CSMD1: variants seen among roughly 807,000 people sequenced by gnomAD.
CSMD1 encodes CUB and Sushi multiple domains 1, also known as CUB and sushi domain-containing protein 1.
A neutral mutation model predicts 417.5 loss-of-function variants in CSMD1; 213 were observed. That is an observed-to-expected ratio of 0.51 (90% CI 0.46 to 0.57). The LOEUF (loss-of-function observed/expected upper bound fraction) is 0.57. Among genes scored for constraint, CSMD1 ranks in the 20% least tolerant of loss-of-function variants. The pLI is 0.00. For synonymous variants in CSMD1, 2,862 were observed against 1,736.8 expected (o/e 1.65, Z -16.11); for missense variants, 6,923 against 4,529.7 (o/e 1.53, Z -15.17).
chr8:4,286,577 C>A (rs1375333285), intron 3 of CSMD1, among the ~76,000 whole-genome samples: 2 of 152,072 alleles, frequency 1.3e-5, no homozygotes, highest in South Asian at 2.1e-4. Flanking sequence ...ACACCCAAAA[C>A]CAGCACCTGA....
intron 10 of CSMD1, among the ~76,000 whole-genome samples, chr8:3,574,124 T>G (rs549433800): frequency 1.3e-5 from 2 of 152,304 alleles, no homozygotes; most frequent in South Asian, 4.1e-4. Context: ...AAATATATAT[T>G]TTACACAAAG....
chr8:4,008,592 CTTTTTTTCTTT>C (rs1816309669), intron 4 of CSMD1, among the ~76,000 whole-genome samples: 3 of 86,590 alleles, frequency 3.5e-5, no homozygotes, highest in Non-Finnish European at 7.4e-5. Context: ...TATTTTCTTT[CTTTTTTTCTTT>C]TTTTTTTTTT....
chr8:3,030,072 A>T (rs1368377006), intron 50 of CSMD1, among the ~76,000 whole-genome samples: 1 of 152,090 alleles, frequency 6.6e-6, no homozygotes, highest in African/African-American at 2.4e-5. Flanking sequence ...AACAAGTCTT[A>T]AAGGAGACCA....
At chr8:3,558,926 C>A (rs529329002) in intron 10 of CSMD1, among the ~76,000 whole-genome samples, 1 of 152,120 alleles carries the variant, frequency 6.6e-6, no homozygotes, top group African/African-American at 2.4e-5. Flanking sequence ...GGCAGCACCA[C>A]GATTCGAGGT....
intron 18 of CSMD1, among the ~76,000 whole-genome samples, chr8:3,382,168 G>C (rs56113152): frequency 1.3e-5 from 2 of 151,776 alleles, no homozygotes; most frequent in South Asian, 2.1e-4. Flanking sequence ...CTGAGGCAGG[G>C]TAATCGCTTG....
chr8:3,867,183 G>C (rs75787439), intron 5 of CSMD1, among the ~76,000 whole-genome samples: 3,073 of 152,098 alleles, frequency 0.02, 101 homozygotes, highest in African/African-American at 0.071. Context: ...CTTTGGTCTT[G>C]TCAATTGTAT....
At chr8:4,396,482 G>C (rs1380489462) in intron 3 of CSMD1, among the ~76,000 whole-genome samples, 1 of 152,000 alleles carries the variant, frequency 6.6e-6, no homozygotes, top group South Asian at 2.1e-4. Flanking sequence ...TCTGCAATGG[G>C]AATTGCACTG....
intron 26 of CSMD1, among the ~76,000 whole-genome samples, chr8:3,282,873 A>G (rs1447547028): frequency 6.6e-6 from 1 of 152,164 alleles, no homozygotes; most frequent in Non-Finnish European, 1.5e-5. Flanking sequence ...TGAGCTGCCA[A>G]GAGATAAATT....
chr8:3,467,539 T>C (rs1404224524), intron 12 of CSMD1, among the ~76,000 whole-genome samples: 2 of 152,222 alleles, frequency 1.3e-5, no homozygotes, highest in Non-Finnish European at 2.9e-5. Context: ...TAAATATACA[T>C]TTTTTGTCGT....
At chr8:3,123,049 G>A (rs560412629) in intron 41 of CSMD1, among the ~76,000 whole-genome samples, 2 of 152,218 alleles carry the variant, frequency 1.3e-5, no homozygotes, top group Non-Finnish European at 2.9e-5. Flanking sequence ...AAAGGCTACA[G>A]TGGCGTGTCC....
chr8:3,992,410 G>T (rs769897281), intron 5 of CSMD1, among the ~76,000 whole-genome samples: 1 of 152,072 alleles, frequency 6.6e-6, no homozygotes, highest in Admixed American at 6.6e-5. Flanking sequence ...GTGATTGGCT[G>T]AAGTTAAAAC....
At chr8:3,525,800 C>T (rs1190335289) in intron 10 of CSMD1, among the ~76,000 whole-genome samples, 3 of 152,140 alleles carry the variant, frequency 2.0e-5, no homozygotes, top group East Asian at 3.9e-4. Flanking sequence ...AACTTGGTTG[C>T]TTACCACTAA....
chr8:3,668,083 T>C (rs946337466), intron 7 of CSMD1, among the ~76,000 whole-genome samples: 1 of 152,152 alleles, frequency 6.6e-6, no homozygotes, highest in Admixed American at 6.6e-5. Context: ...GGTGCAGTCA[T>C]TCTACCCCTG....
rs145299040 is a variant in CSMD1, at chr8:4,072,593, T to G, written c.416-40494A>C. Reference sequence around the variant, plus strand: ...TAAGAAATATGAGGTTCTGTGGTTGTATGTGTTTGTGTTTTCTGTGTTTAT... The same window carrying G: ...TAAGAAATATGAGGTTCTGTGGTTGGATGTGTTTGTGTTTTCTGTGTTTAT... On this transcript the variant is annotated intron_variant, in intron 3 of 69. Transcript: ENST00000635120. Among the ~76,000 whole-genome samples the G allele has an allele frequency of 3.8e-3, 580 of 152,312 alleles. 14 individuals carry two copies. In the East Asian group the frequency reaches 0.06, roughly 16 times the overall value.
intron 3 of CSMD1, among the ~76,000 whole-genome samples, chr8:4,146,879 G>C (rs368975898): frequency 4.1e-5 from 6 of 144,732 alleles, no homozygotes; most frequent in Admixed American, 1.3e-4. Context: ...CAAAGTGCCG[G>C]CGTGATTACA....
At chr8:4,677,419 T>C (rs539335583) in intron 1 of CSMD1, among the ~76,000 whole-genome samples, 1 of 152,198 alleles carries the variant, frequency 6.6e-6, no homozygotes, top group East Asian at 1.9e-4. Flanking sequence ...AGATTCTCTC[T>C]CTCTCTCTCG....
At chr8:3,110,010 T>C (rs1816397645) in intron 43 of CSMD1, 148 bp downstream of exon 43, 1 of 674,770 alleles carries the variant, frequency 1.5e-6, no homozygotes, top group Non-Finnish European at 2.4e-6. Context: ...ATTGATTCCC[T>C]ATATCTCTGG....
intron 3 of CSMD1, among the ~76,000 whole-genome samples, chr8:4,141,674 C>T (rs34262920): frequency 0.3 from 45,220 of 150,676 alleles, 8,426 homozygotes; most frequent in Non-Finnish European, 0.39. Flanking sequence ...TAAACTTCTC[C>T]AGAAATTGCT....
chr8:3,539,638 C>T (rs183739141), intron 10 of CSMD1, among the ~76,000 whole-genome samples: 1 of 152,130 alleles, frequency 6.6e-6, no homozygotes, highest in African/African-American at 2.4e-5. Flanking sequence ...GGCTCCCTCC[C>T]CCATCCCTCA....
Sources: gnomAD v4.1 joint callset for allele counts (sites outside exome capture counted in the v4.1 genomes callset) on GRCh38, gnomAD v4.1.1 for gene constraint, MANE v1.5 for transcripts, NCBI Gene and HGNC (gene_info 2026-07-23, HGNC 2026-07-21) for gene names.